INPP5A: variants seen among roughly 807,000 people sequenced by gnomAD.
INPP5A encodes inositol polyphosphate-5-phosphatase A.
INPP5A carries 14 observed loss-of-function variants against 65.2 expected under a neutral mutation model. That is an observed-to-expected ratio of 0.21 (90% CI 0.14 to 0.34). INPP5A has a LOEUF of 0.34. INPP5A is among the 10% of genes least tolerant of loss of function. INPP5A has a pLI of 1.00. For synonymous variants in INPP5A, 207 were observed against 208.3 expected, an observed-to-expected ratio of 0.99 and a Z score of 0.05; for missense variants, 431 against 545.6, an observed-to-expected ratio of 0.79 and a Z score of 2.09.
intron 2 of INPP5A, among the ~76,000 whole-genome samples, chr10:132,632,525 C>T (rs189833932): frequency 1.2e-4 from 18 of 152,260 alleles, no homozygotes; most frequent in Non-Finnish European, 2.5e-4. Flanking sequence ...GGAACCAGGC[C>T]CCAGAATTCC....
intron 8 of INPP5A, among the ~76,000 whole-genome samples, chr10:132,726,549 C>T (rs1845988106): frequency 6.6e-6 from 1 of 152,236 alleles, no homozygotes; most frequent in South Asian, 2.1e-4. Flanking sequence ...GGTGAGGAGG[C>T]AGCTGAGACT....
Position 132,705,694 on chromosome 10 carries a change from G to GGAAGAAGGACCAGCCCT in INPP5A, c.475-2617_475-2601dup. Reference sequence around the variant, plus strand: ...TGGGGCCCGGGACTTTACAGGTGAGGGAAGAAGGACCAGCCCTGGAAGGAG... The same window carrying GGAAGAAGGACCAGCCCT: ...TGGGGCCCGGGACTTTACAGGTGAGGGAAGAAGGACCAGCCCTGAAGAAGGACCAGCCCTGGAAGGAG... On this transcript the variant is annotated intron_variant, in intron 6 of 15. Transcript: ENST00000368594. The surrounding 1 kb of genome is among the most constrained non-coding windows in gnomAD (Gnocchi z 4.9). Among the ~76,000 whole-genome samples the GGAAGAAGGACCAGCCCT allele has an allele frequency of 6.6e-6, 1 of 152,316 alleles. No homozygotes were observed. Among genetic ancestry groups the GGAAGAAGGACCAGCCCT allele is most frequent in the East Asian group, 1.9e-4 (1 of 5,192 alleles).
intron 8 of INPP5A, among the ~76,000 whole-genome samples, chr10:132,714,475 G>T (rs118134017): frequency 0.028 from 4,237 of 152,294 alleles, 60 homozygotes; most frequent in Middle Eastern, 0.048. Context: ...TGGGAACCGG[G>T]CGCACATTGT....
chr10:132,602,250 C>G (rs1414910119), intron 1 of INPP5A, among the ~76,000 whole-genome samples: 1 of 152,088 alleles, frequency 6.6e-6, no homozygotes. Context: ...TCACATTGTT[C>G]ATTGTTAGTG....
chr10:132,662,057 G>A (rs947365117), intron 4 of INPP5A, among the ~76,000 whole-genome samples: 1 of 152,198 alleles, frequency 6.6e-6, no homozygotes, highest in African/African-American at 2.4e-5. Context: ...GAACCATGCA[G>A]CTTCCACAAG....
At chr10:132,713,698 A>C (rs1376585143) in intron 8 of INPP5A, among the ~76,000 whole-genome samples, 1 of 152,174 alleles carries the variant, frequency 6.6e-6, no homozygotes, top group Non-Finnish European at 1.5e-5. Flanking sequence ...GCTCGTGGCC[A>C]CACACTGAGG....
rs1274847678 is a variant in INPP5A at position 132,577,222 on chromosome 10, T to TC, written c.76-30686dup. Among the ~76,000 whole-genome samples, 93 of 150,814 alleles carry TC rather than the reference T, an allele frequency of 6.2e-4. 1 individual carries two copies. In the East Asian group the frequency reaches 6.5e-3, roughly 11 times the overall value. ...GGTGCCCTGAGTGCAGGTGGGTTGC[T>TC]CCCCCCCGGCACGCCGCCCGTGGTG... is the stretch of plus-strand genomic sequence containing the variant. On this transcript the variant is annotated intron_variant, in intron 1 of 15. Coordinates refer to ENST00000368594, the MANE Select transcript of INPP5A (RefSeq NM_005539.5).
In INPP5A at chr10:132,537,988, C is replaced by G. The variant is rs1373850773; in HGVS notation, c.-109C>G. 1.7e-5 allele frequency: 6 copies of G among 343,164 alleles called. No homozygotes were observed. The highest frequency in any genetic ancestry group is 6.7e-5 in the African/African-American group (3 of 44,500). 21.3% of individuals were successfully genotyped at this position (343,164 alleles called of 1,614,324 possible). A position where few individuals can be genotyped will look rare whatever the true frequency, so the allele number is the denominator to read the frequency against. ...CCGCGATGCGCCCCGGGGCCGCCCC[C>G]CGGCGCAGCTGACGCCCCGCGGCCC... On this transcript the variant is annotated 5_prime_UTR_variant, in exon 1 of 16. Coordinates refer to ENST00000368594, the MANE Select transcript of INPP5A (RefSeq NM_005539.5).
At chr10:132,712,786 A>AG (rs1237341802) in intron 8 of INPP5A, among the ~76,000 whole-genome samples, 1 of 147,728 alleles carries the variant, frequency 6.8e-6, no homozygotes, top group Non-Finnish European at 1.5e-5. Context: ...GCATGTGTGC[A>AG]GGGGTGCACT....
At chr10:132,631,991 C>T (rs1040697879) in intron 2 of INPP5A, among the ~76,000 whole-genome samples, 12 of 152,184 alleles carry the variant, frequency 7.9e-5, no homozygotes, top group African/African-American at 2.4e-4. Flanking sequence ...TCACTCAGGG[C>T]GTGAAGTGCT....
At chr10:132,688,837 A>C (rs1845199594) in intron 4 of INPP5A, among the ~76,000 whole-genome samples, 1 of 150,088 alleles carries the variant, frequency 6.7e-6, no homozygotes, top group Non-Finnish European at 1.5e-5. Flanking sequence ...TGCAAGTGTA[A>C]GTGTGCGTGA....
chr10:132,753,344 T>C lies in INPP5A; in HGVS notation c.903+3499T>C, dbSNP rs960590772. On this transcript the variant is annotated intron_variant, in intron 11 of 15. Coordinates refer to ENST00000368594, the MANE Select transcript of INPP5A (RefSeq NM_005539.5). This position sits in a 1 kb window ranked among gnomAD's most constrained non-coding sequence, Gnocchi z 5.3. ...GAGAGCAAACTCTCCGTCCGCAGGA[T>C]GGATGTGCCTGCGCCGGTCGCAGCC... Among the ~76,000 whole-genome samples the C allele has an allele frequency of 1.3e-5, 2 of 152,162 alleles. No individual in the cohort carries two copies. The highest frequency in any genetic ancestry group is 4.8e-5 in the African/African-American group (2 of 41,444).
At chr10:132,758,115 C>T (rs1846662276) in intron 11 of INPP5A, among the ~76,000 whole-genome samples, 2 of 129,012 alleles carry the variant, frequency 1.6e-5, no homozygotes, top group African/African-American at 6.0e-5. Context: ...GCGTGGGTCC[C>T]CGGCCGACCC....
Position 132,587,936 on chromosome 10 carries a change from C to T in INPP5A, c.76-19979C>T, listed in dbSNP as rs769019835. ...CTGACACAGGAGAATCACTTGAATC[C>T]GGGAGGCGGAGGTTGCAGTGAGCCA... is the stretch of plus-strand genomic sequence containing the variant. On this transcript the variant is annotated intron_variant, in intron 1 of 15. Transcript: ENST00000368594. The surrounding 1 kb of genome is among the most constrained non-coding windows in gnomAD (Gnocchi z 4.3). Among the ~76,000 whole-genome samples the T allele has an allele frequency of 7.1e-6, 1 of 140,496 alleles. No individual in the cohort carries two copies. The highest frequency in any genetic ancestry group is 2.6e-5 in the African/African-American group (1 of 38,840). The allele number at this position is 140,496 out of a possible 152,430, so 92.2% of individuals were successfully genotyped here. A position where few individuals can be genotyped will look rare whatever the true frequency, so the allele number is the denominator to read the frequency against.
chr10:132,623,495 CA>C (rs1432432169), intron 2 of INPP5A, among the ~76,000 whole-genome samples: 1 of 151,336 alleles, frequency 6.6e-6, no homozygotes, highest in Admixed American at 6.6e-5. Context: ...AAAATTAACT[CA>C]AAATGGATCT....
intron 1 of INPP5A, among the ~76,000 whole-genome samples, chr10:132,567,967 C>T (rs1033699087): frequency 6.6e-6 from 1 of 151,668 alleles, no homozygotes; most frequent in African/African-American, 2.4e-5. Flanking sequence ...CCGAGGCGGG[C>T]GGATCATGAG....
chr10:132,750,534 A>G lies in INPP5A; in HGVS notation c.903+689A>G, dbSNP rs3793680. 2.5e-3 allele frequency among the ~76,000 whole-genome samples: 385 copies of G among 152,320 alleles called. 8 individuals are homozygous for G. In the East Asian group the frequency reaches 0.049, roughly 19 times the overall value. ...GTAGGCGAGCGCTGAGGGGCGGCCT[A>G]CACACTCTCTTTACAATTTTTATTT... On this transcript the variant is annotated intron_variant, in intron 11 of 15. Coordinates refer to ENST00000368594, the MANE Select transcript of INPP5A (RefSeq NM_005539.5).
intron 2 of INPP5A, among the ~76,000 whole-genome samples, chr10:132,615,025 G>A (rs916546268): frequency 3.3e-5 from 5 of 152,232 alleles, no homozygotes; most frequent in Admixed American, 2.6e-4. Context: ...TTCCCGTGAC[G>A]CGTCCAGCGT....
chr10:132,570,157 G>T (rs2071323629), intron 1 of INPP5A, among the ~76,000 whole-genome samples: 1 of 151,664 alleles, frequency 6.6e-6, no homozygotes, highest in Admixed American at 6.6e-5. Context: ...TTATTGGCCA[G>T]GCTGGTCTCA....
Sources: gnomAD v4.1 joint callset for allele counts (sites outside exome capture counted in the v4.1 genomes callset) on GRCh38, gnomAD v4.1.1 for gene constraint, Gnocchi (gnomAD v3.1) non-coding constraint, MANE v1.5 for transcripts, NCBI Gene and HGNC (gene_info 2026-07-23, HGNC 2026-07-21) for gene names.